The following PDSS2 variants were observed in gnomAD, a reference collection of about 807,000 sequenced individuals.
PDSS2 encodes all trans-polyprenyl-diphosphate synthase PDSS2.
Under a neutral mutation model 44.5 loss-of-function variants are expected in PDSS2, and 31 were observed. The ratio of observed to expected loss-of-function variants is 0.70; its 90% CI spans 0.52 to 0.94. PDSS2 has a LOEUF of 0.94. Among genes scored for constraint, PDSS2 ranks in the 40% least tolerant of loss-of-function variants. The pLI is 0.00. For missense variants in PDSS2, 452 were observed against 482.2 expected (o/e 0.94, Z 0.59); for synonymous variants, 157 against 180.3 (o/e 0.87, Z 1.03).
chr6:107,371,537 C>T (rs777866927), intron 1 of PDSS2, among the ~76,000 whole-genome samples: 1 of 152,142 alleles, frequency 6.6e-6, no homozygotes, highest in African/African-American at 2.4e-5. Context: ...ATCTACTAAA[C>T]AATGATTGTA....
intron 2 of PDSS2, among the ~76,000 whole-genome samples, chr6:107,295,006 T>G (rs958095938): frequency 1.3e-5 from 2 of 152,150 alleles, no homozygotes; most frequent in African/African-American, 4.8e-5. Flanking sequence ...CTTGGCTCAC[T>G]GCAACCTCTG....
At chr6:107,419,395 G>T (rs1036175733) in intron 1 of PDSS2, among the ~76,000 whole-genome samples, 2 of 152,236 alleles carry the variant, frequency 1.3e-5, no homozygotes, top group East Asian at 3.9e-4. Context: ...TTTTTTATTT[G>T]TGGCATTTAA....
intron 3 of PDSS2, among the ~76,000 whole-genome samples, chr6:107,260,352 C>A (rs995898173): frequency 6.6e-6 from 1 of 152,054 alleles, no homozygotes; most frequent in Non-Finnish European, 1.5e-5. Flanking sequence ...TTTTTTGTTG[C>A]GTATTTACAA....
At chr6:107,389,704 C>CATACAT (rs1232215866) in intron 1 of PDSS2, among the ~76,000 whole-genome samples, 1 of 152,122 alleles carries the variant, frequency 6.6e-6, no homozygotes, top group Non-Finnish European at 1.5e-5. Flanking sequence ...AATAAGTATA[C>CATACAT]ATACATTTCC....
At chr6:107,319,954 A>G (rs185666851) in intron 2 of PDSS2, among the ~76,000 whole-genome samples, 1 of 152,378 alleles carries the variant, frequency 6.6e-6, no homozygotes, top group East Asian at 1.9e-4. Flanking sequence ...ATGGTATAAA[A>G]TTAAATACAG....
chr6:107,363,347 C>T (rs1009059849), intron 1 of PDSS2, among the ~76,000 whole-genome samples: 6 of 152,126 alleles, frequency 3.9e-5, no homozygotes, highest in African/African-American at 1.4e-4. Context: ...CTTAAGGTGG[C>T]GCGTCTGGAG....
intron 3 of PDSS2, among the ~76,000 whole-genome samples, chr6:107,256,563 T>C (rs1425756176): frequency 1.3e-5 from 2 of 152,182 alleles, no homozygotes; most frequent in South Asian, 2.1e-4. Context: ...TCATGATTCG[T>C]GTGCCTTAAA....
chr6:107,302,826 G>T (rs1016212352), intron 2 of PDSS2, among the ~76,000 whole-genome samples: 1 of 147,206 alleles, frequency 6.8e-6, no homozygotes, highest in African/African-American at 2.5e-5. Flanking sequence ...GAATTCAGAT[G>T]TGCTGTAAAA....
intron 1 of PDSS2, among the ~76,000 whole-genome samples, chr6:107,366,742 A>G (rs571217704): frequency 9.2e-5 from 14 of 152,130 alleles, no homozygotes; most frequent in Middle Eastern, 3.4e-3. Flanking sequence ...AAATGGACAA[A>G]TTCCTAGAGA....
chr6:107,310,109 C>T (rs1342664025), intron 2 of PDSS2, among the ~76,000 whole-genome samples: 1 of 151,854 alleles, frequency 6.6e-6, no homozygotes, highest in Non-Finnish European at 1.5e-5. Context: ...CACGGTGAAA[C>T]CCCATCTCTA....
chr6:107,429,898 A>AT (rs1562534061), intron 1 of PDSS2, among the ~76,000 whole-genome samples: 6 of 42,930 alleles, frequency 1.4e-4, no homozygotes, highest in East Asian at 9.1e-4. Flanking sequence ...AAAAAAAAAA[A>AT]AAAATATATA....
chr6:107,336,656 A>G (rs1777901823), intron 1 of PDSS2, among the ~76,000 whole-genome samples: 1 of 152,042 alleles, frequency 6.6e-6, no homozygotes, highest in South Asian at 2.1e-4. Flanking sequence ...TGTTAAAAGA[A>G]GAGCTTTTTA....
chr6:107,298,922 G>A (rs765900926), intron 2 of PDSS2, among the ~76,000 whole-genome samples: 15 of 151,954 alleles, frequency 9.9e-5, no homozygotes, highest in East Asian at 1.9e-4. Context: ...CAGGCGAATC[G>A]CCTGAGCTCA....
chr6:107,212,002 A>G (rs1773232877), intron 5 of PDSS2, 107 bp downstream of exon 5: 1 of 922,670 alleles, frequency 1.1e-6, no homozygotes, highest in Non-Finnish European at 1.8e-6. Context: ...GAACCACACA[A>G]TAAGCATTTT....
chr6:107,452,780 C>T (rs547037844), intron 1 of PDSS2, among the ~76,000 whole-genome samples: 177 of 151,674 alleles, frequency 1.2e-3, no homozygotes, highest in Admixed American at 3.6e-3. Context: ...GATTCTCCTG[C>T]CTCAGCCTCC....
chr6:107,458,040 T>C (rs1170980502), intron 1 of PDSS2, among the ~76,000 whole-genome samples: 1 of 152,200 alleles, frequency 6.6e-6, no homozygotes, highest in Non-Finnish European at 1.5e-5. Context: ...ATGTATTTAA[T>C]GTATATATTG....
chr6:107,370,663 A>C lies in PDSS2; in HGVS notation c.297-36331T>G, dbSNP rs139918571. Among the ~76,000 whole-genome samples the C allele has an allele frequency of 7.0e-3, 1,067 of 152,332 alleles. 21 individuals are homozygous for C. The highest frequency in any genetic ancestry group is 0.025 in the African/African-American group (1,021 of 41,580). On this transcript the variant is annotated intron_variant, in intron 1 of 7. Coordinates refer to ENST00000369037, the MANE Select transcript of PDSS2 (RefSeq NM_020381.4). The stretch of plus-strand genomic sequence containing the variant: ...CTCTAGTTACAATGCAGGATATTCA[A>C]GTATCAATTTTATTCTTTTCCCATT...
chr6:107,193,794 T>C (rs1188837742), intron 7 of PDSS2, 28 bp downstream of exon 7: 2 of 1,345,460 alleles, frequency 1.5e-6, no homozygotes, highest in Admixed American at 1.7e-5. Context: ...ATGTGTAAAA[T>C]AGTACAGTAT....
At chr6:107,244,659 T>C (rs112263513) in intron 4 of PDSS2, among the ~76,000 whole-genome samples, 137 of 152,336 alleles carry the variant, frequency 9.0e-4, no homozygotes, top group African/African-American at 3.2e-3. Context: ...GGTTATACTT[T>C]TAAATTTTAA....
Sources: allele counts gnomAD v4.1 joint callset (sites outside exome capture counted in the v4.1 genomes callset), GRCh38; gene constraint gnomAD v4.1.1; transcripts MANE v1.5; gene names NCBI Gene and HGNC (gene_info 2026-07-23, HGNC 2026-07-21).